The following SNX29 variants were observed in gnomAD, a reference collection of about 807,000 sequenced individuals.
SNX29 encodes sorting nexin-29.
A neutral mutation model predicts 102.1 loss-of-function variants in SNX29; 78 were observed. The observed-to-expected ratio is 0.76, with a 90% CI of 0.64 to 0.92. SNX29 has a LOEUF of 0.92. Ranked by LOEUF, SNX29 falls within the 40% of genes least tolerant of loss-of-function variation. The pLI, the probability that SNX29 is intolerant of heterozygous loss-of-function variation, is 0.00. For synonymous variants in SNX29, 580 were observed against 414.5 expected (o/e 1.40, Z -4.85); for missense variants, 1,280 against 1,061.7 (o/e 1.21, Z -2.86).
At chr16:12,539,547 A>G (rs1321823894) in intron 20 of SNX29, among the ~76,000 whole-genome samples, 1 of 152,252 alleles carries the variant, frequency 6.6e-6, no homozygotes, top group Non-Finnish European at 1.5e-5. Context: ...TAGTGGAAAC[A>G]TTCAAGTGCA....
At chr16:12,336,617 C>T (rs899288223) in intron 15 of SNX29, among the ~76,000 whole-genome samples, 1 of 152,216 alleles carries the variant, frequency 6.6e-6, no homozygotes, top group African/African-American at 2.4e-5. Flanking sequence ...AGTCACCTGT[C>T]CTTCCATTTT....
intron 15 of SNX29, among the ~76,000 whole-genome samples, chr16:12,336,711 G>A (rs188191285): frequency 1.3e-3 from 204 of 152,316 alleles, no homozygotes; most frequent in African/African-American, 4.5e-3. Context: ...TTGGGAGGCC[G>A]AAGCAGGAGG....
chr16:12,292,840 G>A (rs866206454), intron 15 of SNX29, among the ~76,000 whole-genome samples: 1 of 152,238 alleles, frequency 6.6e-6, no homozygotes, highest in South Asian at 2.1e-4. Context: ...ACAAGGCACA[G>A]TGGCTCTAGT....
intron 10 of SNX29, among the ~76,000 whole-genome samples, chr16:12,074,731 G>A (rs532887570): frequency 3.3e-5 from 5 of 152,132 alleles, no homozygotes; most frequent in Admixed American, 6.6e-5. Context: ...GATTGGGGAC[G>A]TTCTCCTGGA....
chr16:12,252,537 A>AATC (rs1294655444), intron 14 of SNX29, among the ~76,000 whole-genome samples: 3 of 152,208 alleles, frequency 2.0e-5, no homozygotes, highest in African/African-American at 7.2e-5. Flanking sequence ...TGCTTGCTGA[A>AATC]ATCATCATCA....
chr16:12,001,493 C>A (rs2056286381), intron 2 of SNX29, among the ~76,000 whole-genome samples: 1 of 151,852 alleles, frequency 6.6e-6, no homozygotes, highest in Non-Finnish European at 1.5e-5. Context: ...GCATGACTTT[C>A]AAAAATAAAC....
rs1056601003 is a variant in SNX29, at chr16:12,096,390, G to A, written c.1402+17475G>A. 6.6e-6 allele frequency among the ~76,000 whole-genome samples: 1 copy of A among 152,168 alleles called. No homozygotes were observed. Among genetic ancestry groups the A allele is most frequent in the African/African-American group, 2.4e-5 (1 of 41,442 alleles). Reference sequence around the variant, plus strand: ...TCTAGGTGCTGAGGAGCCAGAGGTGGGGATCCAGCTTGGCCATGCACAAGC... The same window carrying A: ...TCTAGGTGCTGAGGAGCCAGAGGTGAGGATCCAGCTTGGCCATGCACAAGC... On this transcript the variant is annotated intron_variant, in intron 11 of 20. Coordinates refer to ENST00000566228, the MANE Select transcript of SNX29 (RefSeq NM_032167.5). The surrounding 1 kb of genome is among the most constrained non-coding windows in gnomAD (Gnocchi z 4.2).
At position 12,412,532 on chromosome 16, in the gene SNX29, G is replaced by A. The variant is rs545820680; in HGVS notation, c.2037+9003G>A. ...GGGAGAGAGCGCTGCAAAGACGAGA[G>A]TGTGGAATTGATGGGTCCCTGGGAA... On this transcript the variant is annotated intron_variant, in intron 18 of 20. Coordinates refer to ENST00000566228, the MANE Select transcript of SNX29 (RefSeq NM_032167.5). 2.5e-3 allele frequency among the ~76,000 whole-genome samples: 375 copies of A among 152,350 alleles called. 2 individuals are homozygous for A. Among genetic ancestry groups the A allele is most frequent in the Non-Finnish European group, 3.1e-3 (214 of 68,034 alleles).
chr16:12,042,846 G>A (rs762833933), intron 4 of SNX29, 51 bp from the exon 5 acceptor site: 8 of 1,555,102 alleles, frequency 5.1e-6, no homozygotes, highest in East Asian at 2.3e-5. Context: ...TCCTCTCCCA[G>A]TGCTGAGTGC....
At chr16:12,382,474 C>CTGATGGGG (rs2083202837) in intron 16 of SNX29, among the ~76,000 whole-genome samples, 1 of 152,178 alleles carries the variant, frequency 6.6e-6, no homozygotes, top group Non-Finnish European at 1.5e-5. Flanking sequence ...TCTATTTCCC[C>CTGATGGGG]ATCAGTAAAA....
intron 14 of SNX29, among the ~76,000 whole-genome samples, chr16:12,215,178 C>G (rs117471324): frequency 6.6e-6 from 1 of 152,126 alleles, no homozygotes; most frequent in African/African-American, 2.4e-5. Flanking sequence ...TCCCCATTTA[C>G]ACGGGAGAAC....
At position 12,061,772 on chromosome 16, in the gene SNX29, C is replaced by CA. The variant is rs369762036; in HGVS notation, c.1243+127dup. On this transcript the variant is annotated intron_variant, in intron 9 of 20. Coordinates refer to ENST00000566228, the MANE Select transcript of SNX29 (RefSeq NM_032167.5). ...GAGGCACGGGAGTCGGGGTGTGGTT[C>CA]AGGGCCAGGGGGAGCTCACTGAGAT... 3.3e-5 allele frequency: 25 copies of CA among 749,232 alleles called. No individual in the cohort carries two copies. The African/African-American group carries it at 3.8e-4, about 12-fold the overall frequency. 46.4% of individuals were successfully genotyped at this position (749,232 alleles called of 1,614,324 possible).
chr16:12,315,663 G>A (rs775201681), intron 15 of SNX29, among the ~76,000 whole-genome samples: 29 of 152,200 alleles, frequency 1.9e-4, no homozygotes, highest in Non-Finnish European at 4.0e-4. Flanking sequence ...AACCCTGCTG[G>A]CACCTTGATC....
intron 4 of SNX29, chr16:12,029,593 ATT>A (rs56970661): frequency 0.3 from 119,240 of 394,306 alleles, 1,321 homozygotes; most frequent in East Asian, 0.42. Context: ...TTGGAATTTG[ATT>A]TTTTTTTTTT....
intron 15 of SNX29, among the ~76,000 whole-genome samples, chr16:12,352,282 C>T (rs549311724): frequency 6.6e-6 from 1 of 152,004 alleles, no homozygotes; most frequent in Admixed American, 6.5e-5. Flanking sequence ...AACCAAACAC[C>T]GCATGTTCTC....
chr16:12,379,028 C>T (rs2082980092), intron 16 of SNX29, among the ~76,000 whole-genome samples: 1 of 152,310 alleles, frequency 6.6e-6, no homozygotes, highest in African/African-American at 2.4e-5. Flanking sequence ...ACCCTTGGAT[C>T]ACATCTCTTG....
At chr16:12,483,945 T>A (rs904840101) in intron 19 of SNX29, among the ~76,000 whole-genome samples, 4 of 151,906 alleles carry the variant, frequency 2.6e-5, no homozygotes, top group African/African-American at 9.7e-5. Flanking sequence ...AGCAAAGGAG[T>A]CACTCCAGAT....
chr16:12,333,522 A>C (rs1470435683), intron 15 of SNX29, among the ~76,000 whole-genome samples: 2 of 152,158 alleles, frequency 1.3e-5, no homozygotes, highest in African/African-American at 4.8e-5. Flanking sequence ...ATCAATGATC[A>C]GTATGGGTGT....
chr16:12,539,602 C>G (rs11645654), intron 20 of SNX29, among the ~76,000 whole-genome samples: 7 of 152,092 alleles, frequency 4.6e-5, no homozygotes, highest in Admixed American at 1.3e-4. Context: ...CGGCAAATAC[C>G]TAAGAGTTGA....
Sources: gnomAD v4.1 joint callset for allele counts (sites outside exome capture counted in the v4.1 genomes callset) on GRCh38, gnomAD v4.1.1 for gene constraint, Gnocchi (gnomAD v3.1) non-coding constraint, MANE v1.5 for transcripts, NCBI Gene and HGNC (gene_info 2026-07-23, HGNC 2026-07-21) for gene names.